CCDC138: variants seen among roughly 807,000 people sequenced by gnomAD.
The protein encoded by CCDC138 is coiled-coil domain-containing protein 138.
Under a neutral mutation model 82.3 loss-of-function variants are expected in CCDC138, and 66 were observed. The observed-to-expected ratio is 0.80, with a 90% CI of 0.66 to 0.98. The LOEUF (loss-of-function observed/expected upper bound fraction) is 0.98, where lower values mean the gene tolerates loss of function less well. Ranked by LOEUF, CCDC138 falls within the 50% of genes least tolerant of loss-of-function variation. CCDC138 has a pLI of 0.00. For missense variants in CCDC138, 816 were observed against 758.9 expected (o/e 1.08, Z -0.88); for synonymous variants, 297 against 265.4 (o/e 1.12, Z -1.16).
At chr2:108,879,988 TA>T (rs762799506), downstream of CCDC138, among the ~76,000 whole-genome samples, 9 of 152,176 alleles carry the variant, frequency 5.9e-5, no homozygotes, top group Non-Finnish European at 1.2e-4. Flanking sequence ...CTAAAAATGT[TA>T]AGAGAACATA....
At chr2:108,816,837 G>C (rs1684885491) in intron 10 of CCDC138, among the ~76,000 whole-genome samples, 1 of 152,054 alleles carries the variant, frequency 6.6e-6, no homozygotes, top group Admixed American at 6.5e-5. Context: ...GGGTCTACAG[G>C]TATACACCAC....
At chr2:108,837,582 T>C (rs1458939784) in intron 10 of CCDC138, among the ~76,000 whole-genome samples, 3 of 152,244 alleles carry the variant, frequency 2.0e-5, no homozygotes, top group Admixed American at 6.5e-5. Context: ...GCTGTCATAA[T>C]ATTGTAGCAG....
intron 10 of CCDC138, among the ~76,000 whole-genome samples, chr2:108,823,138 C>G (rs913758686): frequency 6.6e-6 from 1 of 152,124 alleles, no homozygotes; most frequent in African/African-American, 2.4e-5. Flanking sequence ...ATTAGTATCA[C>G]TAATTACAAA....
rs564760196 is a variant in CCDC138 at position 108,807,570 on chromosome 2, G to A, written c.855+2562G>A. On this transcript the variant is annotated intron_variant, in intron 7 of 14. Coordinates refer to ENST00000295124, the MANE Select transcript of CCDC138 (RefSeq NM_144978.3). ...ATAAATTGTTGATTGTAGTTACCCT[G>A]TAGTGCTATAAAGCTAGAACTTATT... Among the ~76,000 whole-genome samples the A allele has an allele frequency of 2.6e-5, 4 of 152,232 alleles. No individual in the cohort carries two copies. In the East Asian group the frequency reaches 7.7e-4, roughly 29 times the overall value.
intron 13 of CCDC138, among the ~76,000 whole-genome samples, chr2:108,870,031 A>G (rs1695001113): frequency 1.3e-5 from 2 of 152,244 alleles, no homozygotes; most frequent in African/African-American, 4.8e-5. Context: ...CAATGAGCTA[A>G]TGAGAAATAA....
intron 10 of CCDC138, among the ~76,000 whole-genome samples, chr2:108,831,619 T>A (rs1463592267): frequency 6.6e-6 from 1 of 152,128 alleles, no homozygotes; most frequent in Non-Finnish European, 1.5e-5. Flanking sequence ...CACATCAGAA[T>A]CTCTTGCAGG....
chr2:108,788,534 G>T (rs1164411796), intron 2 of CCDC138, among the ~76,000 whole-genome samples: 2 of 151,422 alleles, frequency 1.3e-5, no homozygotes, highest in East Asian at 3.9e-4. Flanking sequence ...TAGCTAACAC[G>T]GTGAAACCCC....
intron 7 of CCDC138, among the ~76,000 whole-genome samples, chr2:108,809,541 ACTTC>A (rs1378495606): frequency 1.3e-5 from 2 of 149,686 alleles, no homozygotes; most frequent in Non-Finnish European, 3.0e-5. Context: ...GAAATCTTTC[ACTTC>A]CTTGGTTAAA....
chr2:108,860,126 G>A (rs1693312370), intron 13 of CCDC138, among the ~76,000 whole-genome samples: 2 of 151,776 alleles, frequency 1.3e-5, no homozygotes, highest in Admixed American at 6.6e-5. Flanking sequence ...GTATAGAAAT[G>A]CTTCTGATTT....
intron 5 of CCDC138, among the ~76,000 whole-genome samples, chr2:108,795,150 ATTTTTTTTTT>A (rs11458525): frequency 3.5e-5 from 3 of 85,012 alleles, no homozygotes; most frequent in Non-Finnish European, 6.2e-5. Flanking sequence ...TCTAAAGTGT[ATTTTTTTTTT>A]TTTTTTTTTT....
At chr2:108,819,983 T>G (rs1361526194) in intron 10 of CCDC138, among the ~76,000 whole-genome samples, 1 of 152,168 alleles carries the variant, frequency 6.6e-6, no homozygotes, top group Non-Finnish European at 1.5e-5. Flanking sequence ...CAGTATAAAC[T>G]AGAAGATACA....
At chr2:108,823,860 C>A (rs1024569413) in intron 10 of CCDC138, among the ~76,000 whole-genome samples, 1 of 152,034 alleles carries the variant, frequency 6.6e-6, no homozygotes, top group African/African-American at 2.4e-5. Context: ...ATCTGTAATC[C>A]CAGCTACTCG....
At chr2:108,872,184 G>A (rs542329580) in intron 13 of CCDC138, among the ~76,000 whole-genome samples, 3 of 152,228 alleles carry the variant, frequency 2.0e-5, no homozygotes, top group African/African-American at 7.2e-5. Context: ...TTGCCTCGGA[G>A]AATTCAGAGA....
chr2:108,869,550 G>A (rs1273980807), intron 13 of CCDC138, among the ~76,000 whole-genome samples: 2 of 152,152 alleles, frequency 1.3e-5, no homozygotes, highest in African/African-American at 4.8e-5. Flanking sequence ...GAAAACTGCA[G>A]GGAGACTACA....
intron 9 of CCDC138, among the ~76,000 whole-genome samples, chr2:108,815,461 G>GTTTGT (rs1684600321): frequency 2.8e-5 from 2 of 70,700 alleles, no homozygotes; most frequent in Non-Finnish European, 5.0e-5. Context: ...GGTTTTTGGT[G>GTTTGT]TTTTTTTTTT....
chr2:108,817,083 A>C (rs767746669), intron 10 of CCDC138, among the ~76,000 whole-genome samples: 2 of 152,192 alleles, frequency 1.3e-5, no homozygotes, highest in Non-Finnish European at 2.9e-5. Flanking sequence ...ACAAACGTTC[A>C]AACCATAGCA....
At chr2:108,843,502 A>G (rs1256965722) in intron 11 of CCDC138, among the ~76,000 whole-genome samples, 1 of 152,172 alleles carries the variant, frequency 6.6e-6, no homozygotes, top group African/African-American at 2.4e-5. Flanking sequence ...TTTTCTTAAC[A>G]TATTTTGATT....
rs565083630 is a variant in CCDC138, at chr2:108,843,959, C to T, written c.1324-2779C>T. On this transcript the variant is annotated intron_variant, in intron 11 of 14. Transcript: ENST00000295124. ...AGGCTGGAGTTCAGTGGCACAATCACGGCTCACTGCAGCCTCACCCTCCTG... is the reference window on the plus strand; with the variant it reads ...AGGCTGGAGTTCAGTGGCACAATCATGGCTCACTGCAGCCTCACCCTCCTG... 3.5e-5 allele frequency among the ~76,000 whole-genome samples: 5 copies of T among 140,860 alleles called. No homozygotes were observed. The South Asian group carries it at 1.2e-3, about 33-fold the overall frequency. 92.4% of individuals were successfully genotyped at this position (140,860 alleles called of 152,430 possible).
intron 13 of CCDC138, among the ~76,000 whole-genome samples, chr2:108,860,431 T>C (rs901385508): frequency 1.3e-5 from 2 of 152,100 alleles, no homozygotes; most frequent in Non-Finnish European, 2.9e-5. Context: ...GGAAACCCTT[T>C]CAACTTTTCC....
Sources: gnomAD v4.1 joint callset for allele counts (sites outside exome capture counted in the v4.1 genomes callset) on GRCh38, gnomAD v4.1.1 for gene constraint, MANE v1.5 for transcripts, NCBI Gene and HGNC (gene_info 2026-07-23, HGNC 2026-07-21) for gene names.